SYN3: variants seen among roughly 807,000 people sequenced by gnomAD.
SYN3 encodes the protein synapsin-3.
In SYN3, 35 loss-of-function variants were observed where a neutral mutation model predicts 65.8. The ratio of observed to expected loss-of-function variants is 0.53; its 90% CI spans 0.41 to 0.70. SYN3 has a LOEUF of 0.70. Ranked by LOEUF, SYN3 falls within the 30% of genes least tolerant of loss-of-function variation. The pLI is 0.00. For synonymous variants in SYN3, 270 were observed against 292.9 expected (o/e 0.92, Z 0.80); for missense variants, 680 against 749.0 (o/e 0.91, Z 1.08).
chr22:32,865,558 T>C (rs1257274764), intron 5 of SYN3, among the ~76,000 whole-genome samples: 3 of 152,230 alleles, frequency 2.0e-5, no homozygotes, highest in African/African-American at 7.2e-5. Flanking sequence ...GGCAGTGCTT[T>C]GTCCACAGCA....
chr22:32,949,305 G>A (rs904893817), intron 3 of SYN3, among the ~76,000 whole-genome samples: 20 of 152,060 alleles, frequency 1.3e-4, no homozygotes, highest in Admixed American at 1.2e-3. Context: ...TTACCAGCGG[G>A]GGGCGGGGGT....
At chr22:32,970,084 G>A (rs886713924) in intron 3 of SYN3, among the ~76,000 whole-genome samples, 1 of 152,178 alleles carries the variant, frequency 6.6e-6, no homozygotes, top group Non-Finnish European at 1.5e-5. Flanking sequence ...GTTTAGTGAC[G>A]TGAAGCTGAT....
At chr22:32,593,201 C>T (rs928223438) in intron 7 of SYN3, among the ~76,000 whole-genome samples, 3 of 152,044 alleles carry the variant, frequency 2.0e-5, no homozygotes, top group Non-Finnish European at 4.4e-5. Context: ...AGTCCTTTTC[C>T]CTTGATCTCA....
chr22:32,845,835 C>T (rs1313820843), intron 6 of SYN3, among the ~76,000 whole-genome samples: 1 of 152,210 alleles, frequency 6.6e-6, no homozygotes, highest in African/African-American at 2.4e-5. Flanking sequence ...CTCCTCCCAC[C>T]CCACTTCCCT....
At chr22:32,569,252 CCAAAATCTATCTATCTA>C (rs1398965178) in intron 7 of SYN3, among the ~76,000 whole-genome samples, 2 of 100,570 alleles carry the variant, frequency 2.0e-5, no homozygotes, top group Admixed American at 1.0e-4. Flanking sequence ...CTCTATGCAT[CCAAAATCTATCTATCTA>C]TCTATCTATC....
At chr22:32,686,951 A>G (rs1337431312) in intron 6 of SYN3, among the ~76,000 whole-genome samples, 1 of 151,902 alleles carries the variant, frequency 6.6e-6, no homozygotes, top group Non-Finnish European at 1.5e-5. Context: ...TCACACAACT[A>G]AATATCAGCA....
At chr22:32,583,720 A>G (rs2058982060) in intron 7 of SYN3, among the ~76,000 whole-genome samples, 1 of 152,214 alleles carries the variant, frequency 6.6e-6, no homozygotes. Context: ...TTAAGCACTA[A>G]TCAGGCCACA....
intron 4 of SYN3, among the ~76,000 whole-genome samples, chr22:32,877,704 G>A (rs1055207978): frequency 6.6e-5 from 10 of 152,006 alleles, no homozygotes; most frequent in Non-Finnish European, 1.3e-4. Context: ...CCCCTTCTCC[G>A]CAAACCCTTT....
chr22:33,033,403 C>A (rs1170197446), intron 1 of SYN3, among the ~76,000 whole-genome samples: 2 of 152,222 alleles, frequency 1.3e-5, no homozygotes, highest in African/African-American at 4.8e-5. Flanking sequence ...CTTGCTCCCT[C>A]CTTGTCATTT....
Position 33,006,447 on chromosome 22 carries a change from C to T in SYN3, c.216G>A (p.Gln72=). The change falls in exon 2 of 14, where the codon CAG becomes CAA. Residue 72 remains glutamine (Q), a synonymous_variant. Coordinates refer to ENST00000358763, the MANE Select transcript of SYN3 (RefSeq NM_003490.4). The part of the protein sequence containing the change: ...SLSSAMKQAP[Q]ATSGLMEPPG... ...GAGGCTCCATCAGTCCTGAGGTGGC[C>T]TGAGGGGCCTGCTTCATGGCACTGG... The T allele has an allele frequency of 6.2e-7, 1 of 1,614,158 alleles. No homozygotes were observed.
chr22:33,017,496 C>T (rs558756181), intron 1 of SYN3, among the ~76,000 whole-genome samples: 2 of 152,280 alleles, frequency 1.3e-5, no homozygotes, highest in East Asian at 3.9e-4. Flanking sequence ...TCTTCCAATC[C>T]GTGAACACGG....
chr22:33,006,346 A>C lies in SYN3; in HGVS notation c.311+6T>G. The C allele has an allele frequency of 6.3e-7, 1 of 1,590,014 alleles. No individual in the cohort carries two copies. Among genetic ancestry groups the C allele is most frequent in the Non-Finnish European group, 8.6e-7 (1 of 1,165,622 alleles). On this transcript the variant is annotated splice_donor_region_variant and intron_variant, in intron 2 of 13. Transcript: ENST00000358763. ...AAGGTGGTAGCACTTGCAAATTCCT[A>C]CTTACCAGTCTGTATGGGCATCATC...
chr22:32,722,909 T>C (rs1184221096), intron 6 of SYN3, among the ~76,000 whole-genome samples: 1 of 152,244 alleles, frequency 6.6e-6, no homozygotes, highest in Non-Finnish European at 1.5e-5. Flanking sequence ...TAAAAGCCTA[T>C]GTTACGAGAC....
At chr22:32,767,249 T>A (rs1434670654) in intron 6 of SYN3, among the ~76,000 whole-genome samples, 1 of 152,192 alleles carries the variant, frequency 6.6e-6, no homozygotes, top group Non-Finnish European at 1.5e-5. Flanking sequence ...GACCCTCAAG[T>A]AGCCTTCTCT....
In SYN3 at chr22:32,511,460, T is replaced by C. The variant is rs2057690522; in HGVS notation, c.*2232A>G. Among the ~76,000 whole-genome samples, 1 of 152,234 alleles carries C rather than the reference T, an allele frequency of 6.6e-6. No individual in the cohort carries two copies. The highest frequency in any genetic ancestry group is 1.9e-4 in the East Asian group (1 of 5,204). ...CTCTGGATAGGATTCTGCCAGCTCC[T>C]GGCCAGACTAGTTCTGTTGCATTGC... is the stretch of plus-strand genomic sequence containing the variant. On this transcript the variant is annotated 3_prime_UTR_variant, in exon 14 of 14. Coordinates refer to ENST00000358763, the MANE Select transcript of SYN3 (RefSeq NM_003490.4).
At chr22:32,791,753 C>T (rs2046327793) in intron 6 of SYN3, among the ~76,000 whole-genome samples, 2 of 151,884 alleles carry the variant, frequency 1.3e-5, no homozygotes, top group South Asian at 4.2e-4. Flanking sequence ...GGGATGGCAA[C>T]GATGATCTCA....
At chr22:32,993,180 C>T (rs1418249716) in intron 2 of SYN3, among the ~76,000 whole-genome samples, 2 of 151,932 alleles carry the variant, frequency 1.3e-5, no homozygotes, top group Admixed American at 6.6e-5. Context: ...CCCAATGGCC[C>T]CATCTTTCTG....
chr22:32,872,381 C>T (rs2048872538), intron 4 of SYN3, among the ~76,000 whole-genome samples: 1 of 152,132 alleles, frequency 6.6e-6, no homozygotes, highest in African/African-American at 2.4e-5. Flanking sequence ...GAAAACTAGA[C>T]TGATAGACAT....
At chr22:32,863,197 C>T (rs12167310) in intron 6 of SYN3, among the ~76,000 whole-genome samples, 7,289 of 152,270 alleles carry the variant, frequency 0.048, 615 homozygotes, top group African/African-American at 0.17. Context: ...GTCCTTTTCC[C>T]TTGCAGAAGG....
Sources: allele counts gnomAD v4.1 joint callset (sites outside exome capture counted in the v4.1 genomes callset), GRCh38; gene constraint gnomAD v4.1.1; transcripts MANE v1.5; gene names NCBI Gene and HGNC (gene_info 2026-07-23, HGNC 2026-07-21).